The following ZMIZ1 variants were observed in gnomAD, a reference collection of about 807,000 sequenced individuals.
ZMIZ1 encodes zinc finger MIZ-type containing 1.
In ZMIZ1, 17 loss-of-function variants were observed where a neutral mutation model predicts 113.9. That is an observed-to-expected ratio of 0.15 (90% confidence interval 0.10 to 0.22). ZMIZ1 has a LOEUF of 0.22. ZMIZ1 is among the 10% of genes least tolerant of loss of function. The pLI, the probability that ZMIZ1 is intolerant of heterozygous loss-of-function variation, is 1.00. For missense variants in ZMIZ1, 1,059 were observed against 1,477.8 expected (o/e 0.72, Z 4.65); for synonymous variants, 607 against 603.1 (o/e 1.01, Z -0.09).
At chr10:79,239,720 C>G (rs1849731569) in intron 7 of ZMIZ1, among the ~76,000 whole-genome samples, 1 of 152,122 alleles carries the variant, frequency 6.6e-6, no homozygotes, top group Admixed American at 6.5e-5. Flanking sequence ...AGGAGGTGAC[C>G]CAGCCCAGAA....
chr10:79,148,953 G>A (rs1323074502), intron 3 of ZMIZ1, among the ~76,000 whole-genome samples: 2 of 152,228 alleles, frequency 1.3e-5, no homozygotes, highest in African/African-American at 2.4e-5. Flanking sequence ...TTTGATTGGG[G>A]TAATCTGGAC....
At chr10:79,281,769 T>A (rs1484130142) in intron 8 of ZMIZ1, among the ~76,000 whole-genome samples, 1 of 152,160 alleles carries the variant, frequency 6.6e-6, no homozygotes, top group Non-Finnish European at 1.5e-5. Context: ...CATCCCACAC[T>A]TTGAATGGCA....
At chr10:79,087,673 C>T (rs1000496508) in intron 1 of ZMIZ1, among the ~76,000 whole-genome samples, 2 of 152,230 alleles carry the variant, frequency 1.3e-5, no homozygotes, top group South Asian at 4.1e-4. Flanking sequence ...TGCCTCTCTA[C>T]GATCTACAAT....
intron 1 of ZMIZ1, among the ~76,000 whole-genome samples, chr10:79,112,984 G>C (rs1348649755): frequency 6.6e-6 from 1 of 152,164 alleles, no homozygotes; most frequent in Admixed American, 6.5e-5. Context: ...TCCTGAGATC[G>C]TGAGCTCCTG....
chr10:79,117,226 T>C (rs1844073414), intron 1 of ZMIZ1, among the ~76,000 whole-genome samples: 1 of 152,250 alleles, frequency 6.6e-6, no homozygotes, highest in African/African-American at 2.4e-5. Context: ...CCGAATCCTA[T>C]TGATCTAAAC....
At chr10:79,075,901 C>T (rs568303470) in intron 1 of ZMIZ1, among the ~76,000 whole-genome samples, 27 of 152,322 alleles carry the variant, frequency 1.8e-4, no homozygotes, top group Non-Finnish European at 2.5e-4. Flanking sequence ...CCTCTCTCCC[C>T]GCACCCCATT....
At chr10:79,142,346 C>T (rs1038233931) in intron 3 of ZMIZ1, among the ~76,000 whole-genome samples, 3 of 152,022 alleles carry the variant, frequency 2.0e-5, no homozygotes, top group African/African-American at 7.2e-5. Flanking sequence ...TGAGATCACT[C>T]GAGAGTGTGT....
intron 7 of ZMIZ1, among the ~76,000 whole-genome samples, chr10:79,276,310 C>G (rs1362012866): frequency 6.6e-6 from 1 of 152,198 alleles, no homozygotes; most frequent in Non-Finnish European, 1.5e-5. Flanking sequence ...AGCTGAGACA[C>G]GATGGACAGC....
chr10:79,084,101 C>T (rs1360593691), intron 1 of ZMIZ1, among the ~76,000 whole-genome samples: 1 of 152,192 alleles, frequency 6.6e-6, no homozygotes, highest in Non-Finnish European at 1.5e-5. Flanking sequence ...TCCTCTATCC[C>T]GAGGCCTTTG....
At chr10:79,075,756 G>A (rs1228348538) in intron 1 of ZMIZ1, among the ~76,000 whole-genome samples, 1 of 152,230 alleles carries the variant, frequency 6.6e-6, no homozygotes, top group Non-Finnish European at 1.5e-5. Flanking sequence ...CCCTCTTGGA[G>A]CCTCTGATTC....
At chr10:79,210,061 C>G (rs373479290) in intron 6 of ZMIZ1, among the ~76,000 whole-genome samples, 1 of 152,238 alleles carries the variant, frequency 6.6e-6, no homozygotes, top group East Asian at 1.9e-4. Flanking sequence ...CTCCGCCCCC[C>G]CAGCCCCCTA....
intron 11 of ZMIZ1, 109 bp from the exon 12 acceptor site, chr10:79,293,272 C>T (rs1853634356): frequency 2.1e-6 from 3 of 1,429,774 alleles, no homozygotes; most frequent in South Asian, 1.4e-5. Context: ...ACAGTGCCCC[C>T]TCCCCACTCC....
intron 1 of ZMIZ1, among the ~76,000 whole-genome samples, chr10:79,096,440 AG>A (rs755062296): frequency 0.019 from 2,848 of 152,178 alleles, 37 homozygotes; most frequent in Non-Finnish European, 0.031. Context: ...TGAACCCGGG[AG>A]GCGGAGCTTG....
chr10:79,170,981 C>A (rs1389009389), intron 4 of ZMIZ1, among the ~76,000 whole-genome samples: 1 of 152,202 alleles, frequency 6.6e-6, no homozygotes, highest in Non-Finnish European at 1.5e-5. Context: ...GGGCTGCCTG[C>A]TCCTGAACAC....
In ZMIZ1 at chr10:79,296,242, T is replaced by G. The variant is rs1853882311; in HGVS notation, c.1231-229T>G. ...CCCTGGAGTTCAGGGGCACATGTGC[T>G]CCAGGAAGAACGGCCTCAAGGGGAG... On this transcript the variant is annotated intron_variant, in intron 12 of 24. Transcript: ENST00000334512. This position sits in a 1 kb window ranked among gnomAD's most constrained non-coding sequence, Gnocchi z 4.1. The G allele has an allele frequency of 3.4e-6, 2 of 586,916 alleles. No individual in the cohort carries two copies. The highest frequency in any genetic ancestry group is 6.1e-5 in the Admixed American group (2 of 32,540). The allele number at this position is 586,916 out of a possible 1,614,324, so 36.4% of individuals were successfully genotyped here. A position where few individuals can be genotyped will look rare whatever the true frequency, so the allele number is the denominator to read the frequency against.
At chr10:79,233,110 C>G (rs1438496475) in intron 7 of ZMIZ1, among the ~76,000 whole-genome samples, 4 of 152,198 alleles carry the variant, frequency 2.6e-5, no homozygotes, top group Non-Finnish European at 4.4e-5. Flanking sequence ...CCAGGTTTGT[C>G]TGGGGCCCAA....
intron 5 of ZMIZ1, among the ~76,000 whole-genome samples, chr10:79,203,884 G>A (rs916398838): frequency 1.3e-5 from 2 of 152,144 alleles, no homozygotes; most frequent in East Asian, 1.9e-4. Context: ...CACCTGCCCC[G>A]GCACACACAT....
At chr10:79,270,025 T>G (rs1200816338) in intron 7 of ZMIZ1, among the ~76,000 whole-genome samples, 1 of 152,140 alleles carries the variant, frequency 6.6e-6, no homozygotes, top group Non-Finnish European at 1.5e-5. Context: ...GCCTCTCACC[T>G]CCTCATTTGG....
Position 79,314,235 on chromosome 10 carries a change from C to T in ZMIZ1, c.*1486C>T, listed in dbSNP as rs747085639. On this transcript the variant is annotated 3_prime_UTR_variant, in exon 25 of 25. Transcript: ENST00000334512. ...CTTTGTTTCAGGCTGGTCTGTGCCC[C>T]GTGAGCCACATGGCCTAGGGTGATG... The T allele has an allele frequency of 2.0e-4, 90 of 456,930 alleles. No homozygotes were observed. The highest frequency in any genetic ancestry group is 2.7e-4 in the Non-Finnish European group (61 of 227,018). The allele number at this position is 456,930 out of a possible 1,614,324, so 28.3% of individuals were successfully genotyped here. A position where few individuals can be genotyped will look rare whatever the true frequency, so the allele number is the denominator to read the frequency against.
Sources: allele counts gnomAD v4.1 joint callset (sites outside exome capture counted in the v4.1 genomes callset), GRCh38; gene constraint gnomAD v4.1.1; non-coding constraint Gnocchi (gnomAD v3.1); transcripts MANE v1.5; gene names NCBI Gene and HGNC (gene_info 2026-07-23, HGNC 2026-07-21).